Variants in TRIM5 observed in about 807,000 individuals in gnomAD.
TRIM5 encodes tripartite motif-containing protein 5.
A neutral mutation model predicts 35.6 loss-of-function variants in TRIM5; 31 were observed. The observed-to-expected ratio is 0.87, with a 90% CI of 0.65 to 1.18. The LOEUF (loss-of-function observed/expected upper bound fraction) is 1.18, where lower values mean the gene tolerates loss of function less well. Among genes scored for constraint, TRIM5 ranks in the 50% most tolerant of loss-of-function variants. The pLI is 0.00. For synonymous variants in TRIM5, 243 were observed against 215.6 expected (o/e 1.13, Z -1.11); for missense variants, 609 against 591.6 (o/e 1.03, Z -0.31).
At chr11:5,633,903 A>C in the TRIM5 span, 1 of 1,613,740 alleles carries the variant, frequency 6.2e-7, no homozygotes, top group Non-Finnish European at 8.5e-7. Context: ...CTGGAAGGCA[A>C]GAGGAGATTC....
chr11:5,683,606 A>C (rs920682992), intron 1 of TRIM5, among the ~76,000 whole-genome samples: 3 of 152,116 alleles, frequency 2.0e-5, no homozygotes, highest in Non-Finnish European at 4.4e-5. Flanking sequence ...CCCTGTGTCT[A>C]GCTCGGGGTT....
chr11:5,620,366 A>G, the TRIM5 span, among the ~76,000 whole-genome samples: 1 of 150,128 alleles, frequency 6.7e-6, no homozygotes. Context: ...TTTAGTAGAG[A>G]CGGGGTTTCA....
chr11:5,589,907 C>T, the TRIM5 span: 290 of 153,884 alleles, frequency 1.9e-3, 1 homozygote, highest in African/African-American at 6.4e-3. Flanking sequence ...ACCGGGTCTG[C>T]GCGCGGCGCT....
At chr11:5,610,209 G>C in the TRIM5 span, 5 of 1,613,992 alleles carry the variant, frequency 3.1e-6, no homozygotes, top group Non-Finnish European at 4.2e-6. Context: ...TATGTTCCGA[G>C]CCCCAGATCT....
At chr11:5,668,535 C>T (rs767094391) in intron 4 of TRIM5, among the ~76,000 whole-genome samples, 21 of 151,894 alleles carry the variant, frequency 1.4e-4, no homozygotes, top group South Asian at 4.2e-4. Context: ...CTGCAACCTC[C>T]GCCTCCCGGG....
the TRIM5 span, among the ~76,000 whole-genome samples, chr11:5,655,484 G>T: frequency 6.6e-6 from 1 of 152,162 alleles, no homozygotes; most frequent in Admixed American, 6.5e-5. Flanking sequence ...GAAATAAGTA[G>T]GTAAAAAGGA....
chr11:5,648,450 G>A, the TRIM5 span, among the ~76,000 whole-genome samples: 1 of 44,958 alleles, frequency 2.2e-5, no homozygotes, highest in Non-Finnish European at 5.9e-5. Context: ...AGGTTGCAGT[G>A]AGCCGAGATC....
chr11:5,668,116 A>T (rs58304052), intron 4 of TRIM5, among the ~76,000 whole-genome samples: 14 of 151,720 alleles, frequency 9.2e-5, no homozygotes, highest in Admixed American at 5.3e-4. Flanking sequence ...AAAATAAAAT[A>T]AAAAAAAATT....
chr11:5,624,398 A>T, the TRIM5 span, among the ~76,000 whole-genome samples: 1 of 152,148 alleles, frequency 6.6e-6, no homozygotes, highest in Non-Finnish European at 1.5e-5. Context: ...TCTCAGCACC[A>T]TCCACCTCTC....
Position 5,664,384 on chromosome 11 carries a change from G to C in TRIM5, c.*425C>G. On this transcript the variant is annotated 3_prime_UTR_variant, in exon 8 of 8. Coordinates refer to ENST00000380034, the MANE Select transcript of TRIM5 (RefSeq NM_033034.3). ...ATTTTCTCTTTAACTCACAAATAAG[G>C]GCATCGAGGGTAAACTGACACAGGG... is the stretch of plus-strand genomic sequence containing the variant. 1.0e-6 allele frequency: 1 copy of C among 995,010 alleles called. No individual in the cohort carries two copies. The highest frequency in any genetic ancestry group is 1.2e-6 in the Non-Finnish European group (1 of 835,546). 61.6% of individuals were successfully genotyped at this position (995,010 alleles called of 1,614,324 possible).
the TRIM5 span, among the ~76,000 whole-genome samples, chr11:5,648,363 G>A: frequency 2.0e-5 from 3 of 151,962 alleles, no homozygotes; most frequent in African/African-American, 4.8e-5. Context: ...AAAATTAGCC[G>A]GGCGTGGTGG....
the TRIM5 span, among the ~76,000 whole-genome samples, chr11:5,641,844 T>C: frequency 3.5e-3 from 528 of 152,294 alleles, 6 homozygotes; most frequent in African/African-American, 0.012. Context: ...TTTAGTTAGG[T>C]TGTCATAACT....
chr11:5,625,751 C>A, the TRIM5 span, among the ~76,000 whole-genome samples: 2 of 152,200 alleles, frequency 1.3e-5, no homozygotes, highest in East Asian at 3.8e-4. Context: ...CTGAACATAC[C>A]TGTTTACTTT....
chr11:5,643,125 A>ATTTT, the TRIM5 span: 15 of 974,554 alleles, frequency 1.5e-5, no homozygotes, highest in African/African-American at 2.1e-4. Context: ...ATATATATAT[A>ATTTT]TTTTTTTTTT....
chr11:5,633,956 A>T, the TRIM5 span: 1 of 1,589,460 alleles, frequency 6.3e-7, no homozygotes, highest in East Asian at 2.2e-5. Context: ...ACCTTAATCC[A>T]AGGAGGCCTC....
the TRIM5 span, chr11:5,603,809 A>G: frequency 4.5e-6 from 7 of 1,547,444 alleles, no homozygotes; most frequent in East Asian, 1.1e-4. Context: ...TCATGCTCTG[A>G]TCTAATCTCT....
chr11:5,599,665 A>G, the TRIM5 span, among the ~76,000 whole-genome samples: 4 of 152,136 alleles, frequency 2.6e-5, no homozygotes, highest in Admixed American at 1.3e-4. Context: ...AGCCTCCCAA[A>G]GTGCTGGGAT....
At chr11:5,644,119 G>A in the TRIM5 span, 1 of 402,944 alleles carries the variant, frequency 2.5e-6, no homozygotes. Context: ...TGTTGCTCAG[G>A]ATACCCCAGG....
chr11:5,615,739 AC>A, the TRIM5 span, among the ~76,000 whole-genome samples: 1 of 147,698 alleles, frequency 6.8e-6, no homozygotes, highest in Non-Finnish European at 1.5e-5. Flanking sequence ...GATTACAGGC[AC>A]CTGCCACCAC....
Sources: gnomAD v4.1 joint callset for allele counts (sites outside exome capture counted in the v4.1 genomes callset) on GRCh38, gnomAD v4.1.1 for gene constraint, MANE v1.5 for transcripts, NCBI Gene and HGNC (gene_info 2026-07-23, HGNC 2026-07-21) for gene names.